The following HEMK2 variants were observed in gnomAD, a reference collection of about 807,000 sequenced individuals.
The protein encoded by HEMK2 is HemK methyltransferase 2, ETF1 glutamine and histone H4 lysine.
chr21:28,829,731 T>C, the HEMK2 span, among the ~76,000 whole-genome samples: 1 of 152,156 alleles, frequency 6.6e-6, no homozygotes, highest in African/African-American at 2.4e-5. Context: ...GTTAATTATG[T>C]CCTCTCAAAG....
the HEMK2 span, among the ~76,000 whole-genome samples, chr21:28,679,256 T>C: frequency 1.1e-4 from 16 of 152,026 alleles, no homozygotes; most frequent in African/African-American, 3.9e-4. Context: ...TAGTCTCAGA[T>C]AAAACAGACT....
chr21:28,585,414 A>C, the HEMK2 span, among the ~76,000 whole-genome samples: 1 of 152,022 alleles, frequency 6.6e-6, no homozygotes, highest in African/African-American at 2.4e-5. Context: ...AAATCAGCTG[A>C]AACACCAAAC....
At chr21:28,819,015 T>C in the HEMK2 span, among the ~76,000 whole-genome samples, 1 of 152,326 alleles carries the variant, frequency 6.6e-6, no homozygotes, top group East Asian at 1.9e-4. Context: ...TGTCCTGTCT[T>C]TACCATTTCC....
chr21:28,703,999 C>T, the HEMK2 span, among the ~76,000 whole-genome samples: 5 of 152,144 alleles, frequency 3.3e-5, no homozygotes, highest in African/African-American at 1.2e-4. Flanking sequence ...ATATTGTGAA[C>T]CCATACAACA....
At chr21:28,821,683 T>C in the HEMK2 span, among the ~76,000 whole-genome samples, 1 of 152,174 alleles carries the variant, frequency 6.6e-6, no homozygotes, top group Non-Finnish European at 1.5e-5. Flanking sequence ...CCAAGAATAC[T>C]CTTCCCAAGA....
chr21:28,695,144 A>G, the HEMK2 span, among the ~76,000 whole-genome samples: 1 of 152,212 alleles, frequency 6.6e-6, no homozygotes, highest in Non-Finnish European at 1.5e-5. Context: ...TTAGTGCTTA[A>G]TATTTTTTTC....
chr21:28,689,084 T>C, the HEMK2 span, among the ~76,000 whole-genome samples: 1 of 151,950 alleles, frequency 6.6e-6, no homozygotes, highest in East Asian at 1.9e-4. Context: ...ATACCATCAA[T>C]TAAGAAAAAA....
At chr21:28,676,447 G>C in the HEMK2 span, among the ~76,000 whole-genome samples, 2 of 152,192 alleles carry the variant, frequency 1.3e-5, no homozygotes, top group Non-Finnish European at 2.9e-5. Context: ...CAGGGGGTTA[G>C]GACTTCAACA....
chr21:28,712,419 C>A, the HEMK2 span, among the ~76,000 whole-genome samples: 1 of 152,140 alleles, frequency 6.6e-6, no homozygotes, highest in Non-Finnish European at 1.5e-5. Context: ...CTGATGTGAA[C>A]AATTTAACTT....
chr21:28,681,729 C>T, the HEMK2 span, among the ~76,000 whole-genome samples: 5 of 151,342 alleles, frequency 3.3e-5, no homozygotes, highest in Non-Finnish European at 7.4e-5. Flanking sequence ...CAGAACAGAG[C>T]CCTCAGAAAT....
the HEMK2 span, among the ~76,000 whole-genome samples, chr21:28,715,041 C>A: frequency 2.0e-5 from 3 of 152,116 alleles, no homozygotes; most frequent in East Asian, 5.8e-4. Context: ...CAATCCACCA[C>A]TGAAGGGCAC....
the HEMK2 span, among the ~76,000 whole-genome samples, chr21:28,737,005 C>G: frequency 2.0e-5 from 3 of 152,228 alleles, no homozygotes; most frequent in South Asian, 4.2e-4. Context: ...TTAAAAGAGG[C>G]TCCCCATAAA....
chr21:28,652,978 C>T, the HEMK2 span, among the ~76,000 whole-genome samples: 1 of 152,148 alleles, frequency 6.6e-6, no homozygotes, highest in South Asian at 2.1e-4. Flanking sequence ...CTGTTCCTTT[C>T]CTAGAAAGTT....
chr21:28,657,843 T>TA, the HEMK2 span, among the ~76,000 whole-genome samples: 150 of 152,134 alleles, frequency 9.9e-4, 1 homozygote, highest in Admixed American at 9.6e-3. Context: ...GCTTCCTAGA[T>TA]AGACTTGGAT....
At chr21:28,807,974 C>A in the HEMK2 span, among the ~76,000 whole-genome samples, 3 of 152,054 alleles carry the variant, frequency 2.0e-5, no homozygotes, top group Non-Finnish European at 4.4e-5. Flanking sequence ...CTGGGTCTTT[C>A]TGGGATGCTA....
At chr21:28,776,250 G>T in the HEMK2 span, among the ~76,000 whole-genome samples, 1 of 152,214 alleles carries the variant, frequency 6.6e-6, no homozygotes, top group East Asian at 1.9e-4. Flanking sequence ...AAGAAAACAT[G>T]AAAGAATCTC....
At chr21:28,809,798 C>T in the HEMK2 span, among the ~76,000 whole-genome samples, 1 of 152,118 alleles carries the variant, frequency 6.6e-6, no homozygotes, top group Admixed American at 6.5e-5. Context: ...ATATTAATTA[C>T]AGAGTAGAAT....
the HEMK2 span, among the ~76,000 whole-genome samples, chr21:28,744,067 A>C: frequency 1.3e-5 from 2 of 151,960 alleles, no homozygotes; most frequent in Non-Finnish European, 2.9e-5. Context: ...GGGAAATAGC[A>C]GATACTGAGG....
At chr21:28,843,152 C>T in the HEMK2 span, among the ~76,000 whole-genome samples, 23 of 152,230 alleles carry the variant, frequency 1.5e-4, no homozygotes, top group African/African-American at 4.8e-4. Context: ...GGTTTCAACA[C>T]GCGTTTTGTA....
Sources: allele counts gnomAD v4.1 joint callset (sites outside exome capture counted in the v4.1 genomes callset), GRCh38; gene constraint gnomAD v4.1.1; transcripts MANE v1.5; gene names NCBI Gene and HGNC (gene_info 2026-07-23, HGNC 2026-07-21).